The following APBB2 variants were observed in gnomAD, a reference collection of about 807,000 sequenced individuals.
APBB2 encodes Fe65-like 1.
A neutral mutation model predicts 82.5 loss-of-function variants in APBB2; 38 were observed. The observed-to-expected ratio is 0.46, with a 90% confidence interval of 0.36 to 0.60. The LOEUF is 0.60. Among genes scored for constraint, APBB2 ranks in the 20% least tolerant of loss-of-function variants. APBB2 has a pLI of 0.00. For missense variants in APBB2, 772 were observed against 972.3 expected (o/e 0.79, Z 2.74); for synonymous variants, 341 against 368.2 (o/e 0.93, Z 0.85).
At chr4:41,181,702 T>C (rs1423966654) in intron 1 of APBB2, among the ~76,000 whole-genome samples, 2 of 151,952 alleles carry the variant, frequency 1.3e-5, no homozygotes, top group African/African-American at 4.8e-5. Context: ...TTCCAGCACT[T>C]TGGGAGGCCG....
Position 41,013,568 on chromosome 4 carries a change from C to G in APBB2, c.835+15G>C. On this transcript the variant is annotated intron_variant, in intron 6 of 17. Coordinates refer to ENST00000508593, the MANE Select transcript of APBB2 (RefSeq NM_004307.2). Reference sequence around the variant, plus strand: ...AAAAAAGTGCCAGCTGAGGCTACGCCTTCCCCAGGGGTACCTGTTTCATCC... The same window carrying G: ...AAAAAAGTGCCAGCTGAGGCTACGCGTTCCCCAGGGGTACCTGTTTCATCC... 6.2e-7 allele frequency: 1 copy of G among 1,608,472 alleles called. No homozygotes were observed. The highest frequency in any genetic ancestry group is 8.5e-7 in the Non-Finnish European group (1 of 1,176,298).
chr4:40,952,135 G>A (rs560373030), intron 6 of APBB2, among the ~76,000 whole-genome samples: 4 of 147,352 alleles, frequency 2.7e-5, no homozygotes, highest in East Asian at 2.0e-4. Flanking sequence ...GCAGTGAGCC[G>A]AGATTGCACC....
At chr4:41,049,827 G>A (rs866018295) in intron 4 of APBB2, among the ~76,000 whole-genome samples, 8 of 152,146 alleles carry the variant, frequency 5.3e-5, no homozygotes, top group South Asian at 2.1e-4. Context: ...CCCCCAACCC[G>A]GTGCTCTCTG....
In APBB2 at chr4:41,013,859, C is replaced by A. The variant is rs1809108785; in HGVS notation, c.559G>T (p.Glu187Ter). 6.2e-7 allele frequency: 1 copy of A among 1,614,182 alleles called. No homozygotes were observed. Among genetic ancestry groups the A allele is most frequent in the Admixed American group, 1.7e-5 (1 of 60,018 alleles). ...CCCTGGACTGGCTGGGATTTCTCTT[C>A]CGCAGTCCCATGGTGATTGCCTCGG... ...QNRGNHHGTA[E>*]EKSQPVQGQA... Residue 187 changes from glutamate (E) to a stop codon, truncating the protein, a stop_gained, in exon 6 of 18, where the codon GAA becomes TAA. Coordinates refer to ENST00000508593, the MANE Select transcript of APBB2 (RefSeq NM_004307.2). LOFTEE classifies it high-confidence loss of function.
intron 10 of APBB2, among the ~76,000 whole-genome samples, chr4:40,893,886 A>C (rs1578242225): frequency 1.3e-5 from 2 of 152,092 alleles, no homozygotes; most frequent in East Asian, 3.9e-4. Context: ...AGCCAGGACA[A>C]TCGCTTGAAC....
At chr4:40,985,535 T>C in intron 6 of APBB2, among the ~76,000 whole-genome samples, 1 of 152,152 alleles carries the variant, frequency 6.6e-6, no homozygotes, top group East Asian at 1.9e-4. Context: ...ACAAGTCTTT[T>C]CACGTTAGTA....
At chr4:41,088,323 C>A (rs1740535313) in intron 3 of APBB2, among the ~76,000 whole-genome samples, 1 of 152,194 alleles carries the variant, frequency 6.6e-6, no homozygotes, top group Non-Finnish European at 1.5e-5. Flanking sequence ...AGACTCTTGA[C>A]CACATCAATA....
intron 1 of APBB2, among the ~76,000 whole-genome samples, chr4:41,187,205 C>A (rs1254769651): frequency 6.6e-6 from 1 of 152,132 alleles, no homozygotes; most frequent in East Asian, 1.9e-4. Context: ...CAGTCCTTTA[C>A]TTGCCAAATA....
chr4:41,153,529 C>T (rs146915650), intron 1 of APBB2, among the ~76,000 whole-genome samples: 11 of 152,264 alleles, frequency 7.2e-5, no homozygotes, highest in East Asian at 5.8e-4. Flanking sequence ...GCAACAAGTC[C>T]GGAAATCTTA....
intron 1 of APBB2, among the ~76,000 whole-genome samples, chr4:41,146,024 T>C (rs958821878): frequency 2.6e-5 from 4 of 151,402 alleles, no homozygotes; most frequent in African/African-American, 4.9e-5. Flanking sequence ...ACCCTATCTC[T>C]ACAAAAAATT....
At chr4:41,029,579 AC>A (rs556109569) in intron 5 of APBB2, among the ~76,000 whole-genome samples, 154 of 152,328 alleles carry the variant, frequency 1.0e-3, no homozygotes, top group African/African-American at 3.6e-3. Context: ...GAGATTTAAG[AC>A]AGATGTATCA....
At chr4:41,102,010 G>A (rs539030827) in intron 2 of APBB2, among the ~76,000 whole-genome samples, 9 of 151,104 alleles carry the variant, frequency 6.0e-5, no homozygotes, top group Admixed American at 2.0e-4. Flanking sequence ...CCCAACAATC[G>A]TGCAAATGGA....
chr4:41,035,691 G>A (rs1053994103), intron 4 of APBB2, among the ~76,000 whole-genome samples: 4 of 152,218 alleles, frequency 2.6e-5, no homozygotes, highest in Admixed American at 6.5e-5. Flanking sequence ...CGTATCCTCG[G>A]GTTCTACATC....
At chr4:40,930,470 C>CGCGTGCGCGTAT (rs1578521348) in intron 10 of APBB2, among the ~76,000 whole-genome samples, 1 of 140,198 alleles carries the variant, frequency 7.1e-6, no homozygotes, top group African/African-American at 3.0e-5. Context: ...CGCGCGCGTG[C>CGCGTGCGCGTAT]GCGTGCGCGT....
At chr4:41,114,635 A>C (rs1322967064) in intron 2 of APBB2, among the ~76,000 whole-genome samples, 6 of 152,230 alleles carry the variant, frequency 3.9e-5, no homozygotes, top group Non-Finnish European at 8.8e-5. Flanking sequence ...CTCAGGATAC[A>C]AAATCAATGT....
At chr4:40,823,593 CTT>C in intron 16 of APBB2, 49 bp downstream of exon 16, 2 of 1,325,540 alleles carry the variant, frequency 1.5e-6, no homozygotes, top group Non-Finnish European at 2.2e-6. Flanking sequence ...ACCACTGTAT[CTT>C]ATACTCACTG....
chr4:41,179,918 AC>A (rs1429078274), intron 1 of APBB2, among the ~76,000 whole-genome samples: 1 of 152,248 alleles, frequency 6.6e-6, no homozygotes, highest in Non-Finnish European at 1.5e-5. Context: ...ATATTTTAAA[AC>A]CTCAGGGAAA....
intron 10 of APBB2, among the ~76,000 whole-genome samples, chr4:40,894,631 A>C (rs927167237): frequency 6.6e-6 from 1 of 152,228 alleles, no homozygotes; most frequent in African/African-American, 2.4e-5. Flanking sequence ...TGCTTGCAGA[A>C]TTGACAGATT....
chr4:41,163,801 C>T (rs1424354189), intron 1 of APBB2, among the ~76,000 whole-genome samples: 2 of 152,146 alleles, frequency 1.3e-5, no homozygotes, highest in Non-Finnish European at 1.5e-5. Flanking sequence ...CACGTTAATT[C>T]TATTTTTTAG....
Sources: gnomAD v4.1 joint callset for allele counts (sites outside exome capture counted in the v4.1 genomes callset) on GRCh38, gnomAD v4.1.1 for gene constraint, MANE v1.5 for transcripts, NCBI Gene and HGNC (gene_info 2026-07-23, HGNC 2026-07-21) for gene names.